Variants in BZW2 observed in about 807,000 individuals in gnomAD.
BZW2 encodes the protein basic leucine zipper and W2 domains 2.
In BZW2, 23 loss-of-function variants were observed where a neutral mutation model predicts 53.2. The observed-to-expected ratio is 0.43, with a 90% CI of 0.31 to 0.61. The LOEUF (loss-of-function observed/expected upper bound fraction) is 0.61. BZW2 is among the 20% of genes least tolerant of loss of function. The pLI, the probability that BZW2 is intolerant of heterozygous loss-of-function variation, is 0.09. For synonymous variants in BZW2, 227 were observed against 186.4 expected (o/e 1.22, Z -1.77); for missense variants, 409 against 503.1 (o/e 0.81, Z 1.79).
At chr7:16,699,084 T>C (rs1335109410) in intron 10 of BZW2, among the ~76,000 whole-genome samples, 1 of 152,246 alleles carries the variant, frequency 6.6e-6, no homozygotes, top group Non-Finnish European at 1.5e-5. Context: ...CAATGAATTT[T>C]TATTGGCCAC....
chr7:16,658,433 C>G (rs955929097), intron 1 of BZW2, among the ~76,000 whole-genome samples: 4 of 151,852 alleles, frequency 2.6e-5, no homozygotes, highest in African/African-American at 9.7e-5. Context: ...CAACTTAGGT[C>G]TTCTAATTAG....
At chr7:16,689,736 C>CAA in intron 6 of BZW2, 61 bp from the exon 7 acceptor site, 3 of 1,401,342 alleles carry the variant, frequency 2.1e-6, no homozygotes, top group Non-Finnish European at 2.9e-6. Context: ...GGTTGCTTTG[C>CAA]ACACCATCAC....
chr7:16,661,380 A>T (rs1276624868), intron 1 of BZW2: 1 of 152,108 alleles, frequency 6.6e-6, no homozygotes, highest in Non-Finnish European at 1.5e-5. Flanking sequence ...TGGAAGGATT[A>T]GTGCACAGTT....
intron 8 of BZW2, 147 bp from the exon 9 acceptor site, chr7:16,696,768 C>T: frequency 1.2e-6 from 1 of 800,182 alleles, no homozygotes; most frequent in South Asian, 1.7e-5. Flanking sequence ...TCTCCCTCTT[C>T]CAGTCTGAGA....
intron 3 of BZW2, among the ~76,000 whole-genome samples, chr7:16,677,975 C>T (rs1187669125): frequency 2.6e-5 from 4 of 151,534 alleles, no homozygotes; most frequent in African/African-American, 9.7e-5. Flanking sequence ...TGAGTCCGGA[C>T]ATGTGACGTA....
intron 10 of BZW2, among the ~76,000 whole-genome samples, chr7:16,700,330 C>T (rs1464791031): frequency 2.0e-5 from 3 of 152,144 alleles, no homozygotes; most frequent in Non-Finnish European, 4.4e-5. Context: ...ACTATGTTTA[C>T]CATCTTGTCT....
intron 10 of BZW2, 60 bp downstream of exon 10, chr7:16,698,246 G>T: frequency 6.2e-7 from 1 of 1,601,612 alleles, no homozygotes; most frequent in Non-Finnish European, 8.5e-7. Flanking sequence ...TTGAGAGGCA[G>T]AGCAGGCAAT....
rs549245836 is a variant in BZW2 at position 16,675,854 on chromosome 7, C to T, written c.235+1266C>T. Among the ~76,000 whole-genome samples, 1,267 of 152,134 alleles carry T rather than the reference C, an allele frequency of 8.3e-3. 8 individuals are homozygous for T. The highest frequency in any genetic ancestry group is 0.034 in the Middle Eastern group (10 of 292). On this transcript the variant is annotated intron_variant, in intron 3 of 11. Transcript: ENST00000258761. ...CAACACTTTGGGAGGCTGAGGCGGG[C>T]GGATCACCTGAGGTCAGGAGTTCGA...
chr7:16,682,478 T>A (rs1248413759), intron 4 of BZW2, among the ~76,000 whole-genome samples: 4 of 152,238 alleles, frequency 2.6e-5, no homozygotes, highest in Admixed American at 6.5e-5. Flanking sequence ...TTTCCGTGAT[T>A]TTTAGTCTCT....
chr7:16,700,066 T>C (rs1023328906), intron 10 of BZW2, among the ~76,000 whole-genome samples: 7 of 152,218 alleles, frequency 4.6e-5, no homozygotes, highest in Middle Eastern at 3.4e-3. Context: ...GAAGGGTGAG[T>C]GTCAACATCA....
At chr7:16,651,887 G>T (rs818584) in intron 1 of BZW2, among the ~76,000 whole-genome samples, 1 of 152,066 alleles carries the variant, frequency 6.6e-6, no homozygotes, top group African/African-American at 2.4e-5. Context: ...ATATTTATGC[G>T]CTACTCCATC....
At chr7:16,647,153 C>G (rs555503446) in intron 1 of BZW2, among the ~76,000 whole-genome samples, 30 of 152,238 alleles carry the variant, frequency 2.0e-4, no homozygotes, top group Middle Eastern at 3.4e-3. Flanking sequence ...ATGCGGGAAT[C>G]AGTCATTTCT....
rs540208538 is a variant in BZW2, at chr7:16,647,946, C to T, written c.-8+1658C>T. Among the ~76,000 whole-genome samples, 7 of 152,304 alleles carry T rather than the reference C, an allele frequency of 4.6e-5. 1 individual carries two copies. The highest frequency in any genetic ancestry group is 1.7e-4 in the African/African-American group (7 of 41,564). On this transcript the variant is annotated intron_variant, in intron 1 of 11. Transcript: ENST00000258761. ...GGGGTTGTCAGTTCCTCGAGGATAG[C>T]AGCTTACTATCTATTTTCTTGATGC...
intron 2 of BZW2, among the ~76,000 whole-genome samples, chr7:16,672,719 C>A (rs1782641678): frequency 6.6e-6 from 1 of 152,106 alleles, no homozygotes; most frequent in African/African-American, 2.4e-5. Flanking sequence ...TGTGGTTTGT[C>A]ATCTTCACTT....
intron 1 of BZW2, among the ~76,000 whole-genome samples, chr7:16,651,010 A>G (rs899886672): frequency 2.6e-5 from 4 of 152,348 alleles, no homozygotes; most frequent in Admixed American, 6.5e-5. Flanking sequence ...GTTTCCATTG[A>G]TGTTTTTTAA....
rs369350638 is a variant in BZW2, at chr7:16,698,036, C to T, written c.970-12C>T. 4,573 of 1,613,962 alleles carry T rather than the reference C, an allele frequency of 2.8e-3. 8 individuals carry two copies. The highest frequency in any genetic ancestry group is 3.6e-3 in the Non-Finnish European group (4,263 of 1,179,864). ...CGCAAGTGACGGCTTTTACTCTCCA[C>T]TTCTGTTCTAGCAATATGCTCCCCT... is the stretch of plus-strand genomic sequence containing the variant. On this transcript the variant is annotated splice_polypyrimidine_tract_variant and intron_variant, in intron 9 of 11. Coordinates refer to ENST00000258761, the MANE Select transcript of BZW2 (RefSeq NM_014038.3).
chr7:16,696,971 G>A lies in BZW2; in HGVS notation c.879G>A (p.Val293=). The A allele has an allele frequency of 1.2e-6, 2 of 1,614,122 alleles. No individual in the cohort carries two copies. The highest frequency in any genetic ancestry group is 8.5e-7 in the Non-Finnish European group (1 of 1,179,958). The change falls in exon 9 of 12, where the codon GTG becomes GTA. Residue 293 remains valine (V), a synonymous_variant. Coordinates refer to ENST00000258761, the MANE Select transcript of BZW2 (RefSeq NM_014038.3). ...MKRNDLPETA[V]IGLLWTCIMN... ...GGAATGATCTTCCAGAAACAGCAGT[G>A]ATTGGTCTTCTGTGGACATGTATAA...
In BZW2 at chr7:16,704,583, A is replaced by G. The variant is rs762224963; in HGVS notation, c.1145A>G (p.Tyr382Cys). 5 of 1,592,284 alleles carry G rather than the reference A, an allele frequency of 3.1e-6. No homozygotes were observed. The highest frequency in any genetic ancestry group is 2.2e-5 in the East Asian group (1 of 44,486). The change falls in exon 11 of 12, where the codon TAT becomes TGT. Residue 382 changes from tyrosine to cysteine, a missense_variant. Tyr to Cys is a radical substitution (Grantham distance 194). This residue lies in a region of BZW2 where 88 missense variants were observed against 114.6 expected (regional missense o/e 0.77). Transcript: ENST00000258761. Reference protein sequence around the residue: ...VLSEEAILKWYKEAHVAKGKS... With the variant: ...VLSEEAILKWCKEAHVAKGKS... ...AGCGAAGAAGCAATACTGAAATGGT[A>G]TAAGGAAGCACATGTTGCTAAAGGC...
At position 16,689,806 on chromosome 7, in the gene BZW2, C is replaced by T. The variant is rs775156427; in HGVS notation, c.551C>T (p.Ala184Val). The T allele has an allele frequency of 1.2e-6, 2 of 1,605,634 alleles. No homozygotes were observed. The highest frequency in any genetic ancestry group is 2.2e-5 in the South Asian group (2 of 89,666). Residue 184 changes from alanine to valine, a missense_variant, in exon 7 of 12, where the codon GCC becomes GTC. Ala to Val is a moderately conservative substitution (Grantham distance 64). Transcript: ENST00000258761. ...TDSLVKEGIAASFAVKLFKAW... is the reference protein window; with the variant it reads ...TDSLVKEGIAVSFAVKLFKAW... Reference sequence around the variant, plus strand: ...TTTTGTTTTTCAACAGGCATTGCGGCCTCATTTGCTGTCAAGCTTTTCAAA... The same window carrying T: ...TTTTGTTTTTCAACAGGCATTGCGGTCTCATTTGCTGTCAAGCTTTTCAAA...
Sources: gnomAD v4.1 joint callset for allele counts (sites outside exome capture counted in the v4.1 genomes callset) on GRCh38, gnomAD v4.1.1 for gene constraint, gnomAD v4.1.1 regional missense constraint, MANE v1.5 for transcripts, NCBI Gene and HGNC (gene_info 2026-07-23, HGNC 2026-07-21) for gene names.